Variants in FAM193A observed in about 807,000 individuals in gnomAD.
FAM193A encodes the protein protein FAM193A.
Under a neutral mutation model 126.5 loss-of-function variants are expected in FAM193A, and 22 were observed. That is an observed-to-expected ratio of 0.17 (90% CI 0.12 to 0.25). The LOEUF (loss-of-function observed/expected upper bound fraction) is 0.25, where lower values mean the gene tolerates loss of function less well. Among genes scored for constraint, FAM193A ranks in the 10% least tolerant of loss-of-function variants. FAM193A has a pLI of 1.00. For missense variants in FAM193A, 1,675 were observed against 1,672.8 expected (o/e 1.00, Z -0.02); for synonymous variants, 761 against 646.8 (o/e 1.18, Z -2.68).
At chr4:2,610,758 A>G (rs189156933) in intron 2 of FAM193A, among the ~76,000 whole-genome samples, 2 of 150,920 alleles carry the variant, frequency 1.3e-5, no homozygotes, top group Admixed American at 6.6e-5. Context: ...TTTTTTTGAG[A>G]TGGAGTTTCG....
At chr4:2,600,265 G>A (rs1035317428) in intron 2 of FAM193A, among the ~76,000 whole-genome samples, 9 of 152,076 alleles carry the variant, frequency 5.9e-5, no homozygotes, top group African/African-American at 1.4e-4. Flanking sequence ...GGTTTATCAC[G>A]TCTCCCCGAC....
chr4:2,601,272 G>T (rs1401990631), intron 2 of FAM193A, among the ~76,000 whole-genome samples: 1 of 124,520 alleles, frequency 8.0e-6, no homozygotes, highest in Non-Finnish European at 1.6e-5. Context: ...TCTCTCTGTC[G>T]CCCAGGCTGG....
chr4:2,691,108 A>G, intron 15 of FAM193A, 138 bp downstream of exon 15: 1 of 716,168 alleles, frequency 1.4e-6, no homozygotes, highest in South Asian at 1.9e-5. Context: ...CTGCCCAAAA[A>G]TGCTCACACA....
intron 1 of FAM193A, among the ~76,000 whole-genome samples, chr4:2,567,041 G>C (rs1298563558): frequency 6.6e-6 from 1 of 150,594 alleles, no homozygotes; most frequent in Non-Finnish European, 1.5e-5. Flanking sequence ...CCAGGTTCAC[G>C]CCATTCTCCT....
intron 1 of FAM193A, among the ~76,000 whole-genome samples, chr4:2,583,980 T>A (rs1395249691): frequency 1.3e-5 from 2 of 152,154 alleles, no homozygotes; most frequent in Non-Finnish European, 2.9e-5. Flanking sequence ...TAAGTCCAGT[T>A]TACCAATTTT....
chr4:2,586,336 C>T (rs78768918), intron 1 of FAM193A, among the ~76,000 whole-genome samples: 426 of 152,092 alleles, frequency 2.8e-3, no homozygotes, highest in African/African-American at 7.8e-3. Context: ...TTTCCCTTTA[C>T]CCAAGGTCAT....
intron 4 of FAM193A, 73 bp from the exon 5 acceptor site, chr4:2,630,862 A>G: frequency 4.8e-6 from 4 of 830,302 alleles, no homozygotes; most frequent in African/African-American, 1.7e-5. Flanking sequence ...GGGCTTCAGA[A>G]AAGATGCTCA....
At chr4:2,672,828 C>G (rs927314152) in intron 13 of FAM193A, among the ~76,000 whole-genome samples, 1 of 152,058 alleles carries the variant, frequency 6.6e-6, no homozygotes, top group Non-Finnish European at 1.5e-5. Context: ...TAGAAATACA[C>G]GAGCCTAAAT....
intron 2 of FAM193A, among the ~76,000 whole-genome samples, chr4:2,619,749 G>A (rs145093209): frequency 0.019 from 2,942 of 152,066 alleles, 43 homozygotes; most frequent in Non-Finnish European, 0.032. Context: ...GCAGTGGCAC[G>A]ATCTAGTCTC....
chr4:2,556,489 C>T (rs1162151035), intron 1 of FAM193A, among the ~76,000 whole-genome samples: 1 of 152,164 alleles, frequency 6.6e-6, no homozygotes, highest in Non-Finnish European at 1.5e-5. Context: ...CAGGCGTGAG[C>T]CACCACGCCC....
chr4:2,542,608 C>G (rs1016369658), intron 1 of FAM193A, among the ~76,000 whole-genome samples: 1 of 152,208 alleles, frequency 6.6e-6, no homozygotes, highest in Non-Finnish European at 1.5e-5. Flanking sequence ...TGTTTCCCCA[C>G]AGATGGTGAG....
At chr4:2,625,502 G>C (rs549367805) in intron 3 of FAM193A, 107 bp downstream of exon 3, 5 of 548,342 alleles carry the variant, frequency 9.1e-6, no homozygotes, top group African/African-American at 5.7e-5. Context: ...ACAGCAACAA[G>C]AGTAAGGCAG....
intron 20 of FAM193A, among the ~76,000 whole-genome samples, chr4:2,720,385 C>T (rs994194168): frequency 6.6e-6 from 1 of 152,118 alleles, no homozygotes; most frequent in Non-Finnish European, 1.5e-5. Flanking sequence ...AGCACGGTGG[C>T]TCACACCTGT....
intron 19 of FAM193A, among the ~76,000 whole-genome samples, chr4:2,703,550 A>G (rs574662604): frequency 9.5e-4 from 144 of 152,242 alleles, no homozygotes; most frequent in Admixed American, 2.7e-3. Context: ...CCCGGACTCA[A>G]TGCTTTGTTT....
At chr4:2,638,299 C>T (rs573287895) in intron 5 of FAM193A, among the ~76,000 whole-genome samples, 3 of 152,368 alleles carry the variant, frequency 2.0e-5, no homozygotes, top group South Asian at 4.1e-4. Context: ...TTCGTGTCCT[C>T]GTACCTGGCA....
intron 10 of FAM193A, 55 bp from the exon 11 acceptor site, chr4:2,662,783 C>G: frequency 1.4e-6 from 2 of 1,434,030 alleles, no homozygotes; most frequent in Non-Finnish European, 9.7e-7. Flanking sequence ...GGCTGGTTTA[C>G]TCATTGTCTT....
At chr4:2,611,867 C>T (rs1472159683) in intron 2 of FAM193A, among the ~76,000 whole-genome samples, 3 of 146,644 alleles carry the variant, frequency 2.0e-5, no homozygotes, top group South Asian at 4.3e-4. Flanking sequence ...GACAGTCTCT[C>T]GCTCTTTTGT....
chr4:2,606,462 T>G (rs781189488), intron 2 of FAM193A, among the ~76,000 whole-genome samples: 2 of 152,218 alleles, frequency 1.3e-5, no homozygotes, highest in African/African-American at 2.4e-5. Flanking sequence ...AAGAAATATT[T>G]TATTGGCTTT....
At chr4:2,633,291 C>T (rs1012535846) in intron 5 of FAM193A, among the ~76,000 whole-genome samples, 5 of 151,468 alleles carry the variant, frequency 3.3e-5, no homozygotes, top group African/African-American at 1.2e-4. Context: ...CCCAGCTACT[C>T]GGGAGGCTGA....
Sources: gnomAD v4.1 joint callset for allele counts (sites outside exome capture counted in the v4.1 genomes callset) on GRCh38, gnomAD v4.1.1 for gene constraint, MANE v1.5 for transcripts, NCBI Gene and HGNC (gene_info 2026-07-23, HGNC 2026-07-21) for gene names.